The following ATG5 variants were observed in gnomAD, a reference collection of about 807,000 sequenced individuals.
ATG5 encodes the protein autophagy related 5, also known as autophagy protein 5.
ATG5 carries 14 observed loss-of-function variants against 36.5 expected under a neutral mutation model. That is an observed-to-expected ratio of 0.38 (90% CI 0.25 to 0.60). ATG5 has a LOEUF of 0.60. Among genes scored for constraint, ATG5 ranks in the 20% least tolerant of loss-of-function variants. The pLI, the probability that ATG5 is intolerant of heterozygous loss-of-function variation, is 0.60. For missense variants in ATG5, 195 were observed against 326.7 expected (o/e 0.60, Z 3.11); for synonymous variants, 95 against 101.5 (o/e 0.94, Z 0.38).
chr6:106,197,371 T>C (rs1169229474), intron 7 of ATG5, among the ~76,000 whole-genome samples: 1 of 152,042 alleles, frequency 6.6e-6, no homozygotes, highest in African/African-American at 2.4e-5. Flanking sequence ...TCAAAAAAGG[T>C]AGTTATTCAA....
At chr6:106,307,654 A>G (rs1466545727) in intron 3 of ATG5, among the ~76,000 whole-genome samples, 2 of 148,522 alleles carry the variant, frequency 1.3e-5, no homozygotes, top group African/African-American at 5.0e-5. Context: ...CTCCTGCCTC[A>G]GCCTCCCAAA....
At chr6:106,194,539 CTTTTTCTTTTTT>C (rs1043461793) in intron 7 of ATG5, among the ~76,000 whole-genome samples, 2 of 148,778 alleles carry the variant, frequency 1.3e-5, no homozygotes, top group African/African-American at 2.4e-5. Context: ...TTTTCTTTTT[CTTTTTCTTTTTT>C]TTTTGAGATG....
intron 6 of ATG5, among the ~76,000 whole-genome samples, chr6:106,241,889 C>T (rs1318428484): frequency 6.6e-6 from 1 of 151,960 alleles, no homozygotes; most frequent in Non-Finnish European, 1.5e-5. Flanking sequence ...CCAGGAAAGC[C>T]AATTCATTAA....
chr6:106,262,784 G>A (rs1053603792), intron 5 of ATG5, among the ~76,000 whole-genome samples: 4 of 152,322 alleles, frequency 2.6e-5, no homozygotes, highest in Admixed American at 2.0e-4. Context: ...CCAGCCAAGG[G>A]AAGCCATGAG....
At chr6:106,207,536 TA>T (rs904645501) in intron 6 of ATG5, among the ~76,000 whole-genome samples, 12 of 145,734 alleles carry the variant, frequency 8.2e-5, no homozygotes, top group Admixed American at 2.1e-4. Flanking sequence ...CCTCATCTCT[TA>T]AAAAAAAAAG....
Position 106,244,225 on chromosome 6 carries a change from T to C in ATG5, c.573+3925A>G, listed in dbSNP as rs187300978. 2.6e-5 allele frequency among the ~76,000 whole-genome samples: 4 copies of C among 152,344 alleles called. No homozygotes were observed. The East Asian group carries it at 7.7e-4, about 29-fold the overall frequency. On this transcript the variant is annotated intron_variant, in intron 6 of 7. Coordinates refer to ENST00000369076, the MANE Select transcript of ATG5 (RefSeq NM_004849.4). ...AAATAACACTGCTAGGTTGTTTCTA[T>C]GAAGATTCTCTAAATTTATTTATAA...
At chr6:106,212,624 C>T (rs1253251608) in intron 6 of ATG5, among the ~76,000 whole-genome samples, 1 of 152,086 alleles carries the variant, frequency 6.6e-6, no homozygotes, top group African/African-American at 2.4e-5. Context: ...GGGCGAGAGC[C>T]CAGAGCGAGA....
Position 106,248,175 on chromosome 6 carries a change from C to T in ATG5, c.548G>A (p.Arg183His), listed in dbSNP as rs867445945. ...CTGATATATTCTAAAGGGGATATAACGAAATCCATTTTCTTCTGCAGGATA... is the reference window on the plus strand; with the variant it reads ...CTGATATATTCTAAAGGGGATATAATGAAATCCATTTTCTTCTGCAGGATA... ...MEYPAEENGF[R>H]YIPFRIYQTT... The change falls in exon 6 of 8, where the codon CGT becomes CAT. Residue 183 changes from arginine (R) to histidine (H), a missense_variant. By Grantham distance (29) the Arg-to-His change is conservative (BLOSUM62 0). Coordinates refer to ENST00000369076, the MANE Select transcript of ATG5 (RefSeq NM_004849.4). 6.8e-6 allele frequency: 11 copies of T among 1,610,270 alleles called. No individual in the cohort carries two copies. The highest frequency in any genetic ancestry group is 9.3e-6 in the Non-Finnish European group (11 of 1,176,898).
chr6:106,231,257 C>G (rs1180127121), intron 6 of ATG5, among the ~76,000 whole-genome samples: 1 of 152,190 alleles, frequency 6.6e-6, no homozygotes, highest in Non-Finnish European at 1.5e-5. Context: ...TTAGGACAAT[C>G]CTTTGATCTG....
At chr6:106,306,493 G>A (rs1392086843) in intron 3 of ATG5, among the ~76,000 whole-genome samples, 1 of 152,196 alleles carries the variant, frequency 6.6e-6, no homozygotes, top group Non-Finnish European at 1.5e-5. Context: ...ACTGGCACTT[G>A]TAGGAAGAGG....
At chr6:106,273,993 TG>T (rs1326646708) in intron 5 of ATG5, among the ~76,000 whole-genome samples, 1 of 152,212 alleles carries the variant, frequency 6.6e-6, no homozygotes, top group East Asian at 1.9e-4. Context: ...ATTAATTAGT[TG>T]AAAAAGCCTA....
chr6:106,300,192 C>G (rs1193952174), intron 3 of ATG5, among the ~76,000 whole-genome samples: 1 of 152,064 alleles, frequency 6.6e-6, no homozygotes, highest in African/African-American at 2.4e-5. Context: ...ATTATTGGAA[C>G]GCTAAGCTTG....
At chr6:106,240,667 AT>A (rs527328007) in intron 6 of ATG5, among the ~76,000 whole-genome samples, 46 of 149,824 alleles carry the variant, frequency 3.1e-4, no homozygotes, top group South Asian at 1.3e-3. Flanking sequence ...TAAGCTGGCA[AT>A]TTTTTTTTTA....
At chr6:106,201,767 T>C (rs1776439872) in intron 7 of ATG5, 1 of 329,200 alleles carries the variant, frequency 3.0e-6, no homozygotes, top group Non-Finnish European at 5.5e-6. Flanking sequence ...CTGTATTTTA[T>C]TTCGCCAGTC....
At chr6:106,284,565 C>T (rs1332087696) in intron 4 of ATG5, among the ~76,000 whole-genome samples, 1 of 152,062 alleles carries the variant, frequency 6.6e-6, no homozygotes, top group East Asian at 1.9e-4. Flanking sequence ...ATGTTGACCA[C>T]ACTGGTCTCA....
rs780762373 is a variant in ATG5, at chr6:106,248,150, C to T, written c.573G>A (p.Gln191=). 1 of 1,585,184 alleles carries T rather than the reference C, an allele frequency of 6.3e-7. No homozygotes were observed. The highest frequency in any genetic ancestry group is 1.7e-5 in the Admixed American group (1 of 59,836). The change falls in exon 6 of 8, where the codon CAG becomes CAA. Residue 191 remains glutamine, a splice_region_variant and synonymous_variant. Coordinates refer to ENST00000369076, the MANE Select transcript of ATG5 (RefSeq NM_004849.4). Reference sequence around the variant, plus strand: ...TGTTTTTTAAAATGTTATTTCCTACCTGATATATTCTAAAGGGGATATAAC... The same window carrying T: ...TGTTTTTTAAAATGTTATTTCCTACTTGATATATTCTAAAGGGGATATAAC... The part of the protein sequence containing the change: ...GFRYIPFRIY[Q]TTTERPFIQK...
intron 5 of ATG5, among the ~76,000 whole-genome samples, chr6:106,274,673 C>T (rs1017768711): frequency 1.3e-5 from 2 of 152,112 alleles, no homozygotes; most frequent in African/African-American, 4.8e-5. Flanking sequence ...AAACAAGACA[C>T]TTCCTTTAGT....
At chr6:106,280,313 T>C (rs1212171262) in intron 4 of ATG5, among the ~76,000 whole-genome samples, 2 of 150,858 alleles carry the variant, frequency 1.3e-5, no homozygotes, top group African/African-American at 4.9e-5. Context: ...AAAAGTATTA[T>C]GTCCATATGT....
At chr6:106,263,117 C>T (rs1006373333) in intron 5 of ATG5, among the ~76,000 whole-genome samples, 1 of 152,218 alleles carries the variant, frequency 6.6e-6, no homozygotes, top group South Asian at 2.1e-4. Context: ...ACTGCCAGCA[C>T]AGCAGTCTAA....
Sources: gnomAD v4.1 joint callset for allele counts (sites outside exome capture counted in the v4.1 genomes callset) on GRCh38, gnomAD v4.1.1 for gene constraint, MANE v1.5 for transcripts, NCBI Gene and HGNC (gene_info 2026-07-23, HGNC 2026-07-21) for gene names.